DRAP1: variants seen among roughly 807,000 people sequenced by gnomAD.
DRAP1 encodes dr1-associated corepressor.
DRAP1 carries 10 observed loss-of-function variants against 24.1 expected under a neutral mutation model. The observed-to-expected ratio is 0.41, with a 90% CI of 0.26 to 0.70. The LOEUF (loss-of-function observed/expected upper bound fraction) is 0.70. DRAP1 is among the 30% of genes least tolerant of loss of function. The pLI, the probability that DRAP1 is intolerant of heterozygous loss-of-function variation, is 0.29. For missense variants in DRAP1, 264 were observed against 275.6 expected, an observed-to-expected ratio of 0.96 and a Z score of 0.30; for synonymous variants, 122 against 113.8, an observed-to-expected ratio of 1.07 and a Z score of -0.46.
intron 3 of DRAP1, 137 bp from the exon 4 acceptor site, chr11:65,920,206 T>C: frequency 6.8e-7 from 1 of 1,467,128 alleles, no homozygotes; most frequent in South Asian, 1.3e-5. Context: ...GGGAGCCACC[T>C]GAGTAAAGCA....
chr11:65,920,040 C>T lies in DRAP1; in HGVS notation c.208C>T (p.Leu70=), dbSNP rs201189709. 10 of 1,613,048 alleles carry T rather than the reference C, an allele frequency of 6.2e-6. No individual in the cohort carries two copies. The highest frequency in any genetic ancestry group is 1.3e-5 in the African/African-American group (1 of 75,048). The change falls in exon 3 of 7, where the codon CTG becomes TTG. Residue 70 remains leucine (L), a splice_region_variant and synonymous_variant. Coordinates refer to ENST00000312515, the MANE Select transcript of DRAP1 (RefSeq NM_006442.4). ...CGCGAAGACCATGACCACATCCCAC[C>T]TGTGAGCGGCGAGGAGCCGGGAGGG... ...RNAKTMTTSH[L]KQCIELEQQF... is the part of the protein sequence containing the mutation.
intron 3 of DRAP1, 112 bp from the exon 4 acceptor site, chr11:65,920,231 G>A (rs1854530724): frequency 6.5e-7 from 1 of 1,531,146 alleles, no homozygotes; most frequent in Non-Finnish European, 8.9e-7. Context: ...AGGCCCGGGA[G>A]CGGAGATCGG....
At position 65,919,770 on chromosome 11, in the gene DRAP1, C is replaced by G. The variant is rs1236166435; in HGVS notation, c.43-10C>G. On this transcript the variant is annotated splice_polypyrimidine_tract_variant and intron_variant, in intron 1 of 6. Transcript: ENST00000312515. ...GCGACGGGGTCTGAACTCTGCTCCC[C>G]CACCCGCAGGCGCGGATCAAGAAGA... The G allele has an allele frequency of 6.2e-7, 1 of 1,613,012 alleles. No homozygotes were observed. Among genetic ancestry groups the G allele is most frequent in the South Asian group, 1.1e-5 (1 of 91,080 alleles).
In DRAP1 at chr11:65,921,347, T is replaced by C. The variant is rs201871633; in HGVS notation, c.530T>C (p.Leu177Pro). 4.1e-5 allele frequency: 66 copies of C among 1,606,736 alleles called. No individual in the cohort carries two copies. In the African/African-American group the frequency reaches 8.3e-4, roughly 20 times the overall value. ...AHFQSPPTPF[L>P]PFASTLPLPP... Reference sequence around the variant, plus strand: ...CCCTGCAGCCCCCCGACACCCTTCCTGCCCTTCGCCTCTACTCTGCCTTTG... The same window carrying C: ...CCCTGCAGCCCCCCGACACCCTTCCCGCCCTTCGCCTCTACTCTGCCTTTG... Residue 177 changes from leucine (L) to proline (P), a missense_variant, in exon 7 of 7, where the codon CTG (leucine) becomes CCG (proline). Physicochemically the swap from Leu to Pro is moderately conservative, Grantham distance 98. Coordinates refer to ENST00000312515, the MANE Select transcript of DRAP1 (RefSeq NM_006442.4).
intron 1 of DRAP1, 82 bp from the exon 2 acceptor site, chr11:65,919,698 C>T (rs1190369764): frequency 1.6e-5 from 25 of 1,571,466 alleles, no homozygotes; most frequent in Non-Finnish European, 2.0e-5. Flanking sequence ...CGCCCCCTTT[C>T]TCCGGGGATG....
Position 65,919,610 on chromosome 11 carries a change from TGGGCAGGC to T in DRAP1, c.42+72_42+79del. ...CGGGTGGCTTGGGCCCAGTTCCCGCTGGGCAGGCGGGCGCGCCGCGGTGTTCGGGGGCC... is the reference window on the plus strand; with the variant it reads ...CGGGTGGCTTGGGCCCAGTTCCCGCTGGGCGCGCCGCGGTGTTCGGGGGCC... On this transcript the variant is annotated intron_variant, in intron 1 of 6. Transcript: ENST00000312515. The T allele has an allele frequency of 1.9e-6, 3 of 1,543,244 alleles. No homozygotes were observed. In the South Asian group the frequency reaches 3.6e-5, roughly 18 times the overall value.
In DRAP1 at chr11:65,920,434, C is replaced by T; in HGVS notation, c.301C>T (p.His101Tyr). The stretch of plus-strand genomic sequence containing the variant: ...CATGCAGGGGGACGGGGAAGACAAC[C>T]ACATGGATGGGGACAAGGGCGCCCG... ...PDMQGDGEDNHMDGDKGARRG... is the reference protein window; with the variant it reads ...PDMQGDGEDNYMDGDKGARRG... The change falls in exon 4 of 7, where the codon CAC becomes TAC. Residue 101 changes from histidine (H) to tyrosine (Y), a missense_variant. Physicochemically the swap from His to Tyr is moderately conservative, Grantham distance 83. This residue lies in a region of DRAP1 where 243 missense variants were observed against 233.6 expected (regional missense o/e 1.04). Transcript: ENST00000312515. 1 of 1,614,076 alleles carries T rather than the reference C, an allele frequency of 6.2e-7. No homozygotes were observed. The highest frequency in any genetic ancestry group is 8.5e-7 in the Non-Finnish European group (1 of 1,180,018).
intron 4 of DRAP1, 39 bp from the exon 5 acceptor site, chr11:65,920,530 A>G: frequency 6.2e-7 from 1 of 1,610,014 alleles, no homozygotes. Context: ...GCCAAGGAGT[A>G]GGGAGCACTC....
chr11:65,921,418 G>A lies in DRAP1; in HGVS notation c.601G>A (p.Glu201Lys), dbSNP rs1424674528. ...CTCAGCACCTGATGAAGAGGACGAA[G>A]AAGATTACGACTCCTAGCGCCTTCT... ...GPSAPDEEDE[E>K]DYDS The change falls in exon 7 of 7, where the codon GAA becomes AAA. Residue 201 changes from glutamate (E) to lysine (K), a missense_variant. Glu to Lys is a moderately conservative substitution (Grantham distance 56). This residue lies in a region of DRAP1 where 243 missense variants were observed against 233.6 expected (regional missense o/e 1.04). Coordinates refer to ENST00000312515, the MANE Select transcript of DRAP1 (RefSeq NM_006442.4). The A allele has an allele frequency of 6.2e-7, 1 of 1,607,734 alleles. No individual in the cohort carries two copies. The highest frequency in any genetic ancestry group is 8.5e-7 in the Non-Finnish European group (1 of 1,174,336).
chr11:65,920,476 C>T lies in DRAP1; in HGVS notation c.329+14C>T. ...GGGCGCCCGCAGGTGGGGCCAGGGC[C>T]TGGCATACAGTGGGGAAGGCCAAGG... On this transcript the variant is annotated intron_variant, in intron 4 of 6. Coordinates refer to ENST00000312515, the MANE Select transcript of DRAP1 (RefSeq NM_006442.4). The T allele has an allele frequency of 1.2e-6, 2 of 1,613,830 alleles. No homozygotes were observed. Among genetic ancestry groups the T allele is most frequent in the East Asian group, 2.2e-5 (1 of 44,876 alleles).
intron 6 of DRAP1, 104 bp downstream of exon 6, chr11:65,921,076 GT>G (rs747741052): frequency 1.1e-6 from 1 of 900,290 alleles, no homozygotes; most frequent in Non-Finnish European, 1.7e-6. Flanking sequence ...TGGCAGATTT[GT>G]GGGGTGGAAG....
intron 5 of DRAP1, 68 bp downstream of exon 5, chr11:65,920,730 C>T: frequency 6.9e-7 from 1 of 1,452,378 alleles, no homozygotes; most frequent in East Asian, 2.5e-5. Flanking sequence ...CCAGGCTGAA[C>T]TGGCAGGAGG....
At chr11:65,920,137 C>T in intron 3 of DRAP1, 96 bp downstream of exon 3, 2 of 1,487,654 alleles carry the variant, frequency 1.3e-6, no homozygotes, top group Non-Finnish European at 1.8e-6. Flanking sequence ...AGGTGGGCGG[C>T]AGCCGGGACA....
In DRAP1 at chr11:65,920,420, A is replaced by G; in HGVS notation, c.287A>G (p.Asp96Gly). ...GCATCTGTTCCCGACATGCAGGGGG[A>G]CGGGGAAGACAACCACATGGATGGG... Reference protein sequence around the residue: ...LVASVPDMQGDGEDNHMDGDK... With the variant: ...LVASVPDMQGGGEDNHMDGDK... The change falls in exon 4 of 7, where the codon GAC becomes GGC. Residue 96 changes from aspartate (D) to glycine (G), a missense_variant. Coordinates refer to ENST00000312515, the MANE Select transcript of DRAP1 (RefSeq NM_006442.4). 1 of 1,613,988 alleles carries G rather than the reference A, an allele frequency of 6.2e-7. No individual in the cohort carries two copies. The highest frequency in any genetic ancestry group is 8.5e-7 in the Non-Finnish European group (1 of 1,179,982).
In DRAP1 at chr11:65,919,774, C is replaced by G; in HGVS notation, c.43-6C>G. 6.2e-7 allele frequency: 1 copy of G among 1,613,060 alleles called. No individual in the cohort carries two copies. The highest frequency in any genetic ancestry group is 1.1e-5 in the South Asian group (1 of 91,084). ...CGGGGTCTGAACTCTGCTCCCCCAC[C>G]CGCAGGCGCGGATCAAGAAGATCAT... On this transcript the variant is annotated splice_region_variant and splice_polypyrimidine_tract_variant and intron_variant, in intron 1 of 6. Coordinates refer to ENST00000312515, the MANE Select transcript of DRAP1 (RefSeq NM_006442.4).
chr11:65,921,187 G>A (rs561813507), intron 6 of DRAP1, 143 bp from the exon 7 acceptor site: 42 of 693,100 alleles, frequency 6.1e-5, no homozygotes, highest in Middle Eastern at 8.3e-4. Flanking sequence ...CCTGCCCTGC[G>A]TGAGCTGCCC....
chr11:65,920,690 G>C, intron 5 of DRAP1, 28 bp downstream of exon 5: 1 of 1,468,022 alleles, frequency 6.8e-7, no homozygotes, highest in Admixed American at 2.6e-5. Flanking sequence ...CCTTCGCCCT[G>C]CCCTTGGTGA....
At position 65,919,528 on chromosome 11, in the gene DRAP1, C is replaced by A; in HGVS notation, c.27C>A (p.Asn9Lys). 6.5e-7 allele frequency: 1 copy of A among 1,546,374 alleles called. No individual in the cohort carries two copies. Among genetic ancestry groups the A allele is most frequent in the South Asian group, 1.2e-5 (1 of 83,864 alleles). ...TGCCGAGCAAGAAGAAGAAGTACAACGCGCGGTTCCCGCCGGTGAGCACGT... is the reference window on the plus strand; with the variant it reads ...TGCCGAGCAAGAAGAAGAAGTACAAAGCGCGGTTCCCGCCGGTGAGCACGT... The part of the protein sequence containing the change: MPSKKKKY[N>K]ARFPPARIKK... The change falls in exon 1 of 7, where the codon AAC becomes AAA. Residue 9 changes from asparagine to lysine, a missense_variant. By Grantham distance (94) the Asn-to-Lys change is moderately conservative (BLOSUM62 0). Transcript: ENST00000312515.
rs1005230510 is a variant in DRAP1 at position 65,921,114 on chromosome 11, C to T, written c.512+142C>T. 7 of 715,662 alleles carry T rather than the reference C, an allele frequency of 9.8e-6. No individual in the cohort carries two copies. In the Admixed American group the frequency reaches 2.1e-4, roughly 22 times the overall value. 44.3% of individuals were successfully genotyped at this position (715,662 alleles called of 1,614,324 possible). The stretch of plus-strand genomic sequence containing the variant: ...AGAATAACTGAGGAGGGCTTGAAGG[C>T]AGGAGACTGTTCTCCCGAAAGATCC... On this transcript the variant is annotated intron_variant, in intron 6 of 6. Coordinates refer to ENST00000312515, the MANE Select transcript of DRAP1 (RefSeq NM_006442.4).
Sources: allele counts gnomAD v4.1 joint callset, GRCh38; gene constraint gnomAD v4.1.1; regional missense constraint gnomAD v4.1.1; transcripts MANE v1.5; gene names NCBI Gene and HGNC (gene_info 2026-07-23, HGNC 2026-07-21).